CAMKMT: variants seen among roughly 807,000 people sequenced by gnomAD.
CAMKMT encodes the protein calmodulin-lysine N-methyltransferase.
Under a neutral mutation model 48.0 loss-of-function variants are expected in CAMKMT, and 53 were observed. The ratio of observed to expected loss-of-function variants is 1.10; its 90% CI spans 0.89 to 1.39. The LOEUF (loss-of-function observed/expected upper bound fraction) is 1.39, where lower values mean the gene tolerates loss of function less well. CAMKMT is among the 40% of genes most tolerant of loss of function. The pLI, the probability that CAMKMT is intolerant of heterozygous loss-of-function variation, is 0.00. For missense variants in CAMKMT, 428 were observed against 402.7 expected (o/e 1.06, Z -0.54); for synonymous variants, 165 against 152.3 (o/e 1.08, Z -0.61).
chr2:44,456,553 T>TC, intron 3 of CAMKMT: 1 of 1,549,724 alleles, frequency 6.5e-7, no homozygotes, highest in Non-Finnish European at 8.7e-7. Context: ...ATACATGTCA[T>TC]CCTTTCTCTT....
At chr2:44,706,446 G>A (rs1677565303) in intron 5 of CAMKMT, 105 bp downstream of exon 5, 1 of 1,084,650 alleles carries the variant, frequency 9.2e-7, no homozygotes, top group Non-Finnish European at 1.4e-6. Flanking sequence ...AGCATCAGCT[G>A]CGGTCAAGCT....
At chr2:44,549,053 G>C (rs994824721) in intron 3 of CAMKMT, among the ~76,000 whole-genome samples, 29 of 152,060 alleles carry the variant, frequency 1.9e-4, no homozygotes, top group Admixed American at 1.6e-3. Context: ...CATCTTGCCT[G>C]TTCCACATTT....
At chr2:44,625,643 G>C (rs550736570) in intron 3 of CAMKMT, among the ~76,000 whole-genome samples, 2 of 151,932 alleles carry the variant, frequency 1.3e-5, no homozygotes, top group Admixed American at 6.6e-5. Flanking sequence ...TAAAGCTTTA[G>C]CATTTATGTT....
At chr2:44,611,346 TCA>T (rs1315538963) in intron 3 of CAMKMT, among the ~76,000 whole-genome samples, 1 of 151,488 alleles carries the variant, frequency 6.6e-6, no homozygotes, top group African/African-American at 2.4e-5. Context: ...GGCAGGAGAA[TCA>T]CTTGAACCTG....
In CAMKMT at chr2:44,720,661, C is replaced by A. The variant is rs115792044; in HGVS notation, c.623+5308C>A. Among the ~76,000 whole-genome samples, 721 of 152,218 alleles carry A rather than the reference C, an allele frequency of 4.7e-3. 5 individuals are homozygous for A. Among genetic ancestry groups the A allele is most frequent in the African/African-American group, 0.016 (682 of 41,536 alleles). On this transcript the variant is annotated intron_variant, in intron 7 of 10. Coordinates refer to ENST00000378494, the MANE Select transcript of CAMKMT (RefSeq NM_024766.5). ...TATAAACTGCTGCAGTGAGACACAT[C>A]TTTACATAAATTATACATTTGCAAG...
At chr2:44,610,066 A>G (rs1007851870) in intron 3 of CAMKMT, among the ~76,000 whole-genome samples, 4 of 152,194 alleles carry the variant, frequency 2.6e-5, no homozygotes, top group African/African-American at 7.2e-5. Context: ...CTTTTTCCCC[A>G]CTAAGGAAGG....
At chr2:44,566,217 G>T (rs1174326523) in intron 3 of CAMKMT, among the ~76,000 whole-genome samples, 4 of 152,134 alleles carry the variant, frequency 2.6e-5, no homozygotes, top group African/African-American at 9.7e-5. Flanking sequence ...TGGACATAAT[G>T]AACAGTAATA....
intron 3 of CAMKMT, among the ~76,000 whole-genome samples, chr2:44,698,287 G>T (rs1677069911): frequency 6.6e-6 from 1 of 152,144 alleles, no homozygotes; most frequent in Non-Finnish European, 1.5e-5. Context: ...CAGTTACCAT[G>T]CCACACTCCA....
chr2:44,534,656 C>A (rs1666667695), intron 3 of CAMKMT, among the ~76,000 whole-genome samples: 1 of 151,996 alleles, frequency 6.6e-6, no homozygotes, highest in African/African-American at 2.4e-5. Flanking sequence ...AAGAAATTAA[C>A]ATGAAAATCA....
chr2:44,547,824 G>T (rs1026466790), intron 3 of CAMKMT, among the ~76,000 whole-genome samples: 4 of 152,010 alleles, frequency 2.6e-5, no homozygotes, highest in African/African-American at 9.7e-5. Flanking sequence ...TATCTCTAAC[G>T]GCCTAAATTT....
At chr2:44,477,801 T>A (rs1396318319) in intron 3 of CAMKMT, among the ~76,000 whole-genome samples, 1 of 152,208 alleles carries the variant, frequency 6.6e-6, no homozygotes, top group East Asian at 1.9e-4. Context: ...GTGATAGGCC[T>A]AAATTCAGGA....
intron 3 of CAMKMT, among the ~76,000 whole-genome samples, chr2:44,643,060 A>G (rs533219662): frequency 6.6e-6 from 1 of 152,204 alleles, no homozygotes; most frequent in African/African-American, 2.4e-5. Flanking sequence ...ATAGAACCCT[A>G]TAAATCAGTA....
intron 3 of CAMKMT, among the ~76,000 whole-genome samples, chr2:44,441,152 T>C (rs1666633347): frequency 6.6e-6 from 1 of 152,222 alleles, no homozygotes; most frequent in African/African-American, 2.4e-5. Context: ...CAAAACACTT[T>C]TCCTGTGACT....
At chr2:44,429,469 T>G (rs1478259005) in intron 3 of CAMKMT, among the ~76,000 whole-genome samples, 4 of 152,190 alleles carry the variant, frequency 2.6e-5, no homozygotes, top group African/African-American at 9.7e-5. Flanking sequence ...TCATACTTAC[T>G]TCAACATCAT....
chr2:44,586,915 T>C (rs577092838), intron 3 of CAMKMT, among the ~76,000 whole-genome samples: 2 of 152,288 alleles, frequency 1.3e-5, no homozygotes, highest in Admixed American at 1.3e-4. Context: ...GGTTCTATTT[T>C]ACATTGCCAG....
intron 3 of CAMKMT, chr2:44,631,559 C>T (rs1045879832): frequency 8.6e-6 from 5 of 583,128 alleles, no homozygotes; most frequent in African/African-American, 3.9e-5. Flanking sequence ...CTGCCTCAGC[C>T]TCCCAAAGTG....
At chr2:44,430,379 T>C (rs1304040043) in intron 3 of CAMKMT, among the ~76,000 whole-genome samples, 1 of 151,990 alleles carries the variant, frequency 6.6e-6, no homozygotes, top group East Asian at 1.9e-4. Context: ...TAGGCAATTT[T>C]CATGTGTGAT....
intron 3 of CAMKMT, among the ~76,000 whole-genome samples, chr2:44,662,102 C>T (rs1207159801): frequency 6.6e-6 from 1 of 152,132 alleles, no homozygotes; most frequent in Non-Finnish European, 1.5e-5. Flanking sequence ...TACTGTTGTC[C>T]ACACTATAGT....
At chr2:44,768,362 T>TATATATATATATATATATATATATATA (rs1491157479) in intron 10 of CAMKMT, among the ~76,000 whole-genome samples, 1 of 74,302 alleles carries the variant, frequency 1.3e-5, no homozygotes, top group Non-Finnish European at 2.5e-5. Flanking sequence ...TATATATATA[T>TATATATATATATATATATATATATATA]TTTTTTTTTT....
Sources: allele counts gnomAD v4.1 joint callset (sites outside exome capture counted in the v4.1 genomes callset), GRCh38; gene constraint gnomAD v4.1.1; transcripts MANE v1.5; gene names NCBI Gene and HGNC (gene_info 2026-07-23, HGNC 2026-07-21).